The following ERGIC1 variants were observed in gnomAD, a reference collection of about 807,000 sequenced individuals.
The protein encoded by ERGIC1 is endoplasmic reticulum-golgi intermediate compartment 1.
In ERGIC1, 19 loss-of-function variants were observed where a neutral mutation model predicts 38.3. The observed-to-expected ratio is 0.50, with a 90% confidence interval of 0.35 to 0.73. The LOEUF (loss-of-function observed/expected upper bound fraction) is 0.73, where lower values mean the gene tolerates loss of function less well. ERGIC1 is among the 30% of genes least tolerant of loss of function. The pLI is 0.01. For synonymous variants in ERGIC1, 124 were observed against 157.6 expected (o/e 0.79, Z 1.60); for missense variants, 294 against 389.2 (o/e 0.76, Z 2.06).
At chr5:172,868,928 A>G (rs1333263099) in intron 1 of ERGIC1, among the ~76,000 whole-genome samples, 1 of 152,250 alleles carries the variant, frequency 6.6e-6, no homozygotes, top group East Asian at 1.9e-4. Context: ...TTGGTGCTTG[A>G]GCCACCACAA....
chr5:172,854,323 A>C (rs192360666), intron 1 of ERGIC1, among the ~76,000 whole-genome samples: 2 of 152,152 alleles, frequency 1.3e-5, no homozygotes, highest in Non-Finnish European at 2.9e-5. Flanking sequence ...TTGAGGCTGC[A>C]GTGAGCTGTG....
chr5:172,943,067 T>A (rs1692677212), intron 9 of ERGIC1, among the ~76,000 whole-genome samples: 1 of 152,162 alleles, frequency 6.6e-6, no homozygotes, highest in African/African-American at 2.4e-5. Flanking sequence ...GCTTACTCGG[T>A]AGCCCTGTGA....
Position 172,951,376 on chromosome 5 carries a change from G to T in ERGIC1, c.*560G>T. ...GCCCCTATGATTTGTCACTATAGAT[G>T]GAACCCTGACTTCTGCCCCATCCCT... is the stretch of plus-strand genomic sequence containing the variant. On this transcript the variant is annotated 3_prime_UTR_variant, in exon 10 of 10. Coordinates refer to ENST00000393784, the MANE Select transcript of ERGIC1 (RefSeq NM_001031711.3). 6.6e-6 allele frequency: 1 copy of T among 152,518 alleles called. No individual in the cohort carries two copies. The highest frequency in any genetic ancestry group is 1.5e-5 in the Non-Finnish European group (1 of 68,186). 9.4% of individuals were successfully genotyped at this position (152,518 alleles called of 1,614,324 possible). A position where few individuals can be genotyped will look rare whatever the true frequency, so the allele number is the denominator to read the frequency against.
chr5:172,882,674 T>C (rs1338841327), intron 1 of ERGIC1, among the ~76,000 whole-genome samples: 2 of 152,156 alleles, frequency 1.3e-5, no homozygotes, highest in African/African-American at 4.8e-5. Flanking sequence ...TGGAAGTGAT[T>C]ATGGTTAAGC....
intron 8 of ERGIC1, chr5:172,932,963 TTG>T (rs1763810875): frequency 6.0e-6 from 1 of 167,858 alleles, no homozygotes; most frequent in Non-Finnish European, 1.3e-5. Flanking sequence ...AAGATGGCTG[TTG>T]ATTAATTTGC....
chr5:172,924,718 C>T (rs540711025), intron 6 of ERGIC1, among the ~76,000 whole-genome samples: 85 of 152,316 alleles, frequency 5.6e-4, no homozygotes, highest in Admixed American at 5.3e-3. Context: ...ACAGAAACTA[C>T]AGTCCCAAGT....
intron 3 of ERGIC1, among the ~76,000 whole-genome samples, chr5:172,908,343 A>AGG (rs1358975925): frequency 6.9e-4 from 1 of 1,450 alleles, no homozygotes; most frequent in African/African-American, 2.5e-3. Context: ...GGGAGGGGGG[A>AGG]GGGGGGGGGT....
chr5:172,906,151 G>A, intron 3 of ERGIC1: 1 of 456,114 alleles, frequency 2.2e-6, no homozygotes, highest in South Asian at 1.5e-5. Context: ...CTCTGATTGG[G>A]GCCAACACTA....
chr5:172,915,872 C>T (rs1763352547), intron 5 of ERGIC1: 1 of 306,862 alleles, frequency 3.3e-6, no homozygotes. Flanking sequence ...GACACCTGAG[C>T]TGGGGTTGCA....
chr5:172,852,435 G>A (rs1254465057), intron 1 of ERGIC1, among the ~76,000 whole-genome samples: 2 of 151,734 alleles, frequency 1.3e-5, no homozygotes, highest in African/African-American at 4.8e-5. Flanking sequence ...GTGGATGCCA[G>A]GGACCCAGGC....
Position 172,909,125 on chromosome 5 carries a change from T to TTC in ERGIC1, c.156-542_156-541insTC, listed in dbSNP as rs1253512370. ...AAGATATGCTCTTACCACCGTGCTA[T>TTC]CTGACCCCACCCCTTCTCTTTCCTG... On this transcript the variant is annotated intron_variant, in intron 3 of 9. Coordinates refer to ENST00000393784, the MANE Select transcript of ERGIC1 (RefSeq NM_001031711.3). Among the ~76,000 whole-genome samples the TTC allele has an allele frequency of 2.3e-3, 328 of 144,440 alleles. 1 individual carries two copies. The highest frequency in any genetic ancestry group is 3.8e-3 in the Non-Finnish European group (250 of 65,822). The allele number at this position is 144,440 out of a possible 152,430, so 94.8% of individuals were successfully genotyped here.
At chr5:172,903,643 A>AT (rs1762942414) in intron 3 of ERGIC1, among the ~76,000 whole-genome samples, 1 of 152,160 alleles carries the variant, frequency 6.6e-6, no homozygotes, top group African/African-American at 2.4e-5. Flanking sequence ...GATAAAAACC[A>AT]TGGACATTTA....
At chr5:172,852,948 T>A (rs1226121815) in intron 1 of ERGIC1, among the ~76,000 whole-genome samples, 5 of 152,238 alleles carry the variant, frequency 3.3e-5, no homozygotes, top group Non-Finnish European at 7.3e-5. Flanking sequence ...CCTTTTGGAA[T>A]CTTCACCTCA....
intron 3 of ERGIC1, among the ~76,000 whole-genome samples, chr5:172,904,910 G>A: frequency 6.6e-6 from 1 of 152,198 alleles, no homozygotes; most frequent in East Asian, 1.9e-4. Context: ...TAACCAGCCT[G>A]GCCAGAGCGC....
At position 172,834,671 on chromosome 5, in the gene ERGIC1, C is replaced by A. The variant is rs935042410; in HGVS notation, c.20+238C>A. Reference sequence around the variant, plus strand: ...ATCCACCCACCTTCCCTCCGCCGAGCCCCCTCCCCAGCCTGCCCGGATACC... The same window carrying A: ...ATCCACCCACCTTCCCTCCGCCGAGACCCCTCCCCAGCCTGCCCGGATACC... On this transcript the variant is annotated intron_variant, in intron 1 of 9. Coordinates refer to ENST00000393784, the MANE Select transcript of ERGIC1 (RefSeq NM_001031711.3). The surrounding 1 kb of genome is among the most constrained non-coding windows in gnomAD (Gnocchi z 4.1). 6.6e-6 allele frequency among the ~76,000 whole-genome samples: 1 copy of A among 150,540 alleles called. No homozygotes were observed. The highest frequency in any genetic ancestry group is 6.6e-5 in the Admixed American group (1 of 15,142).
At chr5:172,892,070 T>TTTG (rs1561720642) in intron 2 of ERGIC1, among the ~76,000 whole-genome samples, 32 of 147,836 alleles carry the variant, frequency 2.2e-4, no homozygotes, top group African/African-American at 7.2e-4. Flanking sequence ...ATGTTTTTTT[T>TTTG]TTTTTTTTTT....
chr5:172,926,416 G>T lies in ERGIC1; in HGVS notation c.481-93G>T. On this transcript the variant is annotated intron_variant, in intron 6 of 9. Transcript: ENST00000393784. The surrounding 1 kb of genome is among the most constrained non-coding windows in gnomAD (Gnocchi z 5.2). ...CTTTTACACATTGGTAGGGTTCCTA[G>T]ACCAGGTGGTACCTGGCCATCCCCC... The T allele has an allele frequency of 2.1e-6, 3 of 1,428,642 alleles. No homozygotes were observed. Among genetic ancestry groups the T allele is most frequent in the South Asian group, 2.3e-5 (2 of 87,014 alleles). The allele number at this position is 1,428,642 out of a possible 1,614,324, so 88.5% of individuals were successfully genotyped here. A position where few individuals can be genotyped will look rare whatever the true frequency, so the allele number is the denominator to read the frequency against.
At chr5:172,864,819 GT>G (rs891425516) in intron 1 of ERGIC1, among the ~76,000 whole-genome samples, 7 of 150,480 alleles carry the variant, frequency 4.7e-5, no homozygotes, top group African/African-American at 1.7e-4. Flanking sequence ...TCCTAACCAC[GT>G]TTTGCGTATC....
intron 1 of ERGIC1, among the ~76,000 whole-genome samples, chr5:172,838,599 T>TA (rs978812272): frequency 1.9e-4 from 29 of 151,804 alleles, no homozygotes; most frequent in Non-Finnish European, 3.1e-4. Flanking sequence ...AATTCCTTTT[T>TA]AAAAAAAAAT....
Sources: allele counts gnomAD v4.1 joint callset (sites outside exome capture counted in the v4.1 genomes callset), GRCh38; gene constraint gnomAD v4.1.1; non-coding constraint Gnocchi (gnomAD v3.1); transcripts MANE v1.5; gene names NCBI Gene and HGNC (gene_info 2026-07-23, HGNC 2026-07-21).